The following ARHGAP35 variants were observed in gnomAD, a reference collection of about 807,000 sequenced individuals.
ARHGAP35 encodes Rho GTPase activating protein 35, also known as rho GTPase-activating protein 35.
A neutral mutation model predicts 111.1 loss-of-function variants in ARHGAP35; 15 were observed. That is an observed-to-expected ratio of 0.13 (90% CI 0.09 to 0.21). ARHGAP35 has a LOEUF of 0.21. Among genes scored for constraint, ARHGAP35 ranks in the 10% least tolerant of loss-of-function variants. The probability of loss-of-function intolerance (pLI) is 1.00; values close to 1 mark genes in which losing one functional copy is unlikely to be tolerated. For synonymous variants in ARHGAP35, 643 were observed against 710.3 expected (o/e 0.91, Z 1.51); for missense variants, 1,262 against 1,873.0 (o/e 0.67, Z 6.02).
chr19:46,863,415 T>TG (rs1458301458), intron 1 of ARHGAP35, among the ~76,000 whole-genome samples: 2 of 152,112 alleles, frequency 1.3e-5, no homozygotes, highest in African/African-American at 2.4e-5. Context: ...GTTAGTAGTG[T>TG]GGGGGGAGGT....
intron 1 of ARHGAP35, among the ~76,000 whole-genome samples, chr19:46,876,824 G>T (rs928861530): frequency 1.8e-4 from 28 of 152,190 alleles, no homozygotes; most frequent in Non-Finnish European, 4.0e-4. Context: ...ACCAGCTAAA[G>T]AATATAGTGG....
At chr19:46,892,615 A>C (rs2056031073) in intron 1 of ARHGAP35, among the ~76,000 whole-genome samples, 1 of 151,230 alleles carries the variant, frequency 6.6e-6, no homozygotes, top group Non-Finnish European at 1.5e-5. Context: ...ATGAAGATAC[A>C]GGGAGAATAT....
chr19:46,913,639 A>G (rs1214552399), intron 1 of ARHGAP35, among the ~76,000 whole-genome samples: 1 of 152,210 alleles, frequency 6.6e-6, no homozygotes, highest in East Asian at 1.9e-4. Context: ...ATACTTCTGA[A>G]GTATTTTCCT....
chr19:46,900,416 T>G (rs965536642), intron 1 of ARHGAP35, among the ~76,000 whole-genome samples: 1 of 152,176 alleles, frequency 6.6e-6, no homozygotes, highest in Non-Finnish European at 1.5e-5. Flanking sequence ...AGACGGAGTT[T>G]TGCCCTGTTG....
At chr19:46,862,448 TC>T (rs1317146784) in intron 1 of ARHGAP35, among the ~76,000 whole-genome samples, 1 of 151,996 alleles carries the variant, frequency 6.6e-6, no homozygotes, top group East Asian at 1.9e-4. Flanking sequence ...ATTCCTCTCC[TC>T]CCCGTTTTAG....
intron 1 of ARHGAP35, among the ~76,000 whole-genome samples, chr19:46,881,191 C>T (rs1011215329): frequency 5.3e-5 from 8 of 152,118 alleles, no homozygotes; most frequent in African/African-American, 9.7e-5. Flanking sequence ...CCACCCACCT[C>T]GGCCTCCCAA....
rs2056695021 is a variant in ARHGAP35 at position 46,994,279 on chromosome 19, A to G, written c.4036+4604A>G. On this transcript the variant is annotated intron_variant, in intron 5 of 6. Coordinates refer to ENST00000672722, the MANE Select transcript of ARHGAP35 (RefSeq NM_004491.5). The surrounding 1 kb of genome is among the most constrained non-coding windows in gnomAD (Gnocchi z 5.4). ...AGACACCTGGCCGGGCGGGCTACCTATTGAAGCTGGGGGTCCCTGTACAGC... is the reference window on the plus strand; with the variant it reads ...AGACACCTGGCCGGGCGGGCTACCTGTTGAAGCTGGGGGTCCCTGTACAGC... 6.6e-6 allele frequency among the ~76,000 whole-genome samples: 1 copy of G among 152,100 alleles called. No homozygotes were observed. The highest frequency in any genetic ancestry group is 6.5e-5 in the Admixed American group (1 of 15,276).
At chr19:46,907,446 G>A (rs1196554342) in intron 1 of ARHGAP35, among the ~76,000 whole-genome samples, 4 of 143,236 alleles carry the variant, frequency 2.8e-5, no homozygotes, top group African/African-American at 1.0e-4. Context: ...CACCGCACCC[G>A]GCCCCCATTC....
intron 1 of ARHGAP35, among the ~76,000 whole-genome samples, chr19:46,863,420 G>A (rs1175249909): frequency 6.6e-6 from 1 of 152,140 alleles, no homozygotes; most frequent in Non-Finnish European, 1.5e-5. Flanking sequence ...TAGTGTGGGG[G>A]GAGGTAGATC....
chr19:46,978,703 GCA>G (rs2056597343), intron 3 of ARHGAP35, among the ~76,000 whole-genome samples: 10 of 35,646 alleles, frequency 2.8e-4, no homozygotes, highest in South Asian at 6.4e-4. Flanking sequence ...GTGTGGTGGG[GCA>G]TGTGTGTGGT....
At chr19:46,884,099 T>G (rs992164975) in intron 1 of ARHGAP35, among the ~76,000 whole-genome samples, 1 of 152,138 alleles carries the variant, frequency 6.6e-6, no homozygotes, top group Admixed American at 6.6e-5. Flanking sequence ...TTTTTAGCTT[T>G]GTCAAGGAGA....
chr19:46,910,467 T>C (rs191033735), intron 1 of ARHGAP35, among the ~76,000 whole-genome samples: 1 of 151,834 alleles, frequency 6.6e-6, no homozygotes, highest in East Asian at 1.9e-4. Flanking sequence ...AATTTTTTTT[T>C]TTTTTTGTAT....
chr19:46,920,875 G>A lies in ARHGAP35; in HGVS notation c.2200G>A (p.Asp734Asn). ...TAGCAAACTTCAGTGTGTCTTTCTC[G>A]ACCCTGCTTCTGCTGGCATTGGTTA... ...IASKLQCVFLDPASAGIGYGR... is the reference protein window; with the variant it reads ...IASKLQCVFLNPASAGIGYGR... The change falls in exon 2 of 7, where the codon GAC (aspartate) becomes AAC (asparagine). Residue 734 changes from aspartate (D) to asparagine (N), a missense_variant. Physicochemically the swap from Asp to Asn is conservative, Grantham distance 23. Around this residue, in one of 8 missense-constraint regions of ARHGAP35, gnomAD observed 579 missense variants for 716.9 expected, o/e 0.81. Transcript: ENST00000672722. The surrounding 1 kb of genome is among the most constrained non-coding windows in gnomAD (Gnocchi z 7.0). 4 of 1,613,854 alleles carry A rather than the reference G, an allele frequency of 2.5e-6. No individual in the cohort carries two copies. Among genetic ancestry groups the A allele is most frequent in the Non-Finnish European group, 3.4e-6 (4 of 1,179,846 alleles).
rs2056200210 is a variant in ARHGAP35 at position 46,921,509 on chromosome 19, A to C, written c.2834A>C (p.Lys945Thr). ...HPFFKDVVEK[K>T]NIIEATHMYD... ...TTTTTTAAAGATGTGGTGGAAAAAA[A>C]GAACATAATCGAGGCTACTCATATG... is the stretch of plus-strand genomic sequence containing the variant. The change falls in exon 2 of 7, where the codon AAG (lysine) becomes ACG (threonine). Residue 945 changes from lysine to threonine, a missense_variant. Lys to Thr is a moderately conservative substitution (Grantham distance 78). Transcript: ENST00000672722. The surrounding 1 kb of genome is among the most constrained non-coding windows in gnomAD (Gnocchi z 4.3). 1 of 1,613,898 alleles carries C rather than the reference A, an allele frequency of 6.2e-7. No homozygotes were observed. Among genetic ancestry groups the C allele is most frequent in the Non-Finnish European group, 8.5e-7 (1 of 1,179,906 alleles).
At position 46,919,474 on chromosome 19, in the gene ARHGAP35, A is replaced by C. The variant is rs2056183820; in HGVS notation, c.799A>C (p.Ser267Arg). The C allele has an allele frequency of 6.2e-7, 1 of 1,613,912 alleles. No individual in the cohort carries two copies. Among genetic ancestry groups the C allele is most frequent in the Non-Finnish European group, 8.5e-7 (1 of 1,179,912 alleles). The change falls in exon 2 of 7, where the codon AGT (serine) becomes CGT (arginine). Residue 267 changes from serine (S) to arginine (R), a missense_variant. Physicochemically the swap from Ser to Arg is moderately radical, Grantham distance 110. This residue lies in a region of ARHGAP35 where 328 missense variants were observed against 440.8 expected (regional missense o/e 0.74). Coordinates refer to ENST00000672722, the MANE Select transcript of ARHGAP35 (RefSeq NM_004491.5). This position sits in a 1 kb window ranked among gnomAD's most constrained non-coding sequence, Gnocchi z 6.2. Reference protein sequence around the residue: ...IPYFEALKQQSQQIATAKDKY... With the variant: ...IPYFEALKQQRQQIATAKDKY... ...TTATTTTGAAGCTCTCAAGCAGCAGAGTCAGCAGATAGCTACAGCAAAAGA... is the reference window on the plus strand; with the variant it reads ...TTATTTTGAAGCTCTCAAGCAGCAGCGTCAGCAGATAGCTACAGCAAAAGA...
At chr19:46,943,999 G>C (rs981357566) in intron 3 of ARHGAP35, among the ~76,000 whole-genome samples, 2 of 152,076 alleles carry the variant, frequency 1.3e-5, no homozygotes, top group African/African-American at 2.4e-5. Flanking sequence ...TTTTTTATCT[G>C]ATTACAAAAG....
rs1288674918 is a variant in ARHGAP35 at position 46,908,604 on chromosome 19, T to A, written c.-188-9884T>A. ...CTTATACTTTGATCAGATAGCTTAA[T>A]TAGAATTCCATAGTTACCTGGTAGA... On this transcript the variant is annotated intron_variant, in intron 1 of 6. Coordinates refer to ENST00000672722, the MANE Select transcript of ARHGAP35 (RefSeq NM_004491.5). This position sits in a 1 kb window ranked among gnomAD's most constrained non-coding sequence, Gnocchi z 4.2. Among the ~76,000 whole-genome samples, 1 of 152,236 alleles carries A rather than the reference T, an allele frequency of 6.6e-6. No homozygotes were observed. Among genetic ancestry groups the A allele is most frequent in the Non-Finnish European group, 1.5e-5 (1 of 68,048 alleles).
chr19:46,900,286 A>G (rs1230569267), intron 1 of ARHGAP35, among the ~76,000 whole-genome samples: 1 of 148,968 alleles, frequency 6.7e-6, no homozygotes, highest in Non-Finnish European at 1.5e-5. Context: ...CAGTGGTGCA[A>G]TCTCGGCTCA....
intron 1 of ARHGAP35, among the ~76,000 whole-genome samples, chr19:46,873,690 T>TG (rs1260499048): frequency 2.7e-5 from 4 of 150,622 alleles, no homozygotes; most frequent in Admixed American, 2.6e-4. Context: ...AAATTAGTGA[T>TG]GTGTTCCCTT....
Sources: gnomAD v4.1 joint callset for allele counts (sites outside exome capture counted in the v4.1 genomes callset) on GRCh38, gnomAD v4.1.1 for gene constraint, gnomAD v4.1.1 regional missense constraint, Gnocchi (gnomAD v3.1) non-coding constraint, MANE v1.5 for transcripts, NCBI Gene and HGNC (gene_info 2026-07-23, HGNC 2026-07-21) for gene names.